CCDC57: variants seen among roughly 807,000 people sequenced by gnomAD.
CCDC57 encodes the protein coiled-coil domain-containing protein 57.
Under a neutral mutation model 118.9 loss-of-function variants are expected in CCDC57, and 118 were observed. The observed-to-expected ratio is 0.99, with a 90% CI of 0.86 to 1.16. The LOEUF is 1.16. Among genes scored for constraint, CCDC57 ranks in the 50% most tolerant of loss-of-function variants. The pLI is 0.00. For synonymous variants in CCDC57, 527 were observed against 532.9 expected, an observed-to-expected ratio of 0.99 and a Z score of 0.15; for missense variants, 1,300 against 1,320.7, an observed-to-expected ratio of 0.98 and a Z score of 0.24.
chr17:82,142,632 C>G (rs1455855157), intron 16 of CCDC57, among the ~76,000 whole-genome samples: 2 of 151,994 alleles, frequency 1.3e-5, no homozygotes, highest in Non-Finnish European at 2.9e-5. Context: ...ATTTATAAAA[C>G]ATGATGGTGA....
intron 19 of CCDC57, among the ~76,000 whole-genome samples, chr17:82,114,668 C>T (rs1458040059): frequency 3.3e-5 from 5 of 152,168 alleles, no homozygotes; most frequent in African/African-American, 9.6e-5. Flanking sequence ...TTCTCAGTGG[C>T]GAGGTGTGGG....
intron 19 of CCDC57, chr17:82,126,201 A>C (rs571998283): frequency 4.4e-4 from 93 of 210,212 alleles, no homozygotes; most frequent in African/African-American, 1.9e-3. Flanking sequence ...AATCATTTGA[A>C]CCCGGGAGGA....
chr17:82,204,544 G>A (rs1164879827), intron 2 of CCDC57, among the ~76,000 whole-genome samples: 1 of 152,196 alleles, frequency 6.6e-6, no homozygotes, highest in Non-Finnish European at 1.5e-5. Context: ...AGGACTTTGG[G>A]AGGCCGAGGC....
At chr17:82,157,853 C>T (rs373713185) in exon 15 of CCDC57, 1 of 1,593,430 alleles carries the variant, frequency 6.3e-7, no homozygotes, top group East Asian at 2.3e-5. Flanking sequence ...GCTCAGCCAC[C>T]TGCTTCCGCA....
Position 82,180,018 on chromosome 17 carries a change from C to T in CCDC57, c.1212-829G>A, listed in dbSNP as rs114606480. On this transcript the variant is annotated intron_variant, in intron 9 of 19. Coordinates refer to ENST00000665763, the Ensembl canonical transcript of CCDC57. Reference sequence around the variant, plus strand: ...GAGAGGTCCCTCCTGTCCCAGGCAGCGACACAGAGATGGTGGCATGGCTCT... The same window carrying T: ...GAGAGGTCCCTCCTGTCCCAGGCAGTGACACAGAGATGGTGGCATGGCTCT... Among the ~76,000 whole-genome samples, 520 of 152,272 alleles carry T rather than the reference C, an allele frequency of 3.4e-3. 4 individuals are homozygous for T. The highest frequency in any genetic ancestry group is 0.012 in the African/African-American group (491 of 41,542).
intron 19 of CCDC57, among the ~76,000 whole-genome samples, chr17:82,106,002 C>T (rs1462431403): frequency 1.3e-5 from 2 of 152,228 alleles, no homozygotes; most frequent in Non-Finnish European, 2.9e-5. Context: ...GCCTGGGCGC[C>T]GACCACAGGC....
intron 9 of CCDC57, among the ~76,000 whole-genome samples, chr17:82,181,041 G>A (rs374010513): frequency 6.6e-6 from 1 of 151,586 alleles, no homozygotes; most frequent in African/African-American, 2.4e-5. Context: ...GGCAAACCAC[G>A]CAGAGCACGG....
intron 19 of CCDC57, chr17:82,126,326 A>T: frequency 1.2e-6 from 1 of 829,112 alleles, no homozygotes; most frequent in South Asian, 5.5e-5. Context: ...CAAGGACATT[A>T]AATTACATAA....
At chr17:82,125,525 G>A (rs548637385) in intron 19 of CCDC57, among the ~76,000 whole-genome samples, 79 of 152,002 alleles carry the variant, frequency 5.2e-4, no homozygotes, top group African/African-American at 1.6e-3. Flanking sequence ...ACAGGCATGC[G>A]CCACCAGGCC....
chr17:82,163,437 G>C, intron 13 of CCDC57, 80 bp from the exon 13 acceptor site: 1 of 1,534,478 alleles, frequency 6.5e-7, no homozygotes, highest in Non-Finnish European at 8.9e-7. Flanking sequence ...ATCTCTATCA[G>C]CTCTCCCTTT....
Position 82,177,307 on chromosome 17 carries a change from C to T in CCDC57, c.1506+1167G>A, listed in dbSNP as rs528588097. ...AGGAGAATCACTTGAACCTGGGAGG[C>T]GGAGGGTGCGGTGAGCAGAGATCAC... On this transcript the variant is annotated intron_variant, in intron 11 of 19. Transcript: ENST00000665763. Among the ~76,000 whole-genome samples the T allele has an allele frequency of 2.5e-3, 381 of 151,452 alleles. 1 individual carries two copies. The highest frequency in any genetic ancestry group is 3.6e-3 in the Non-Finnish European group (246 of 67,874).
At chr17:82,178,852 G>C (rs1224448143) in intron 10 of CCDC57, among the ~76,000 whole-genome samples, 175 bp downstream of exon 9, 1 of 152,258 alleles carries the variant, frequency 6.6e-6, no homozygotes, top group Non-Finnish European at 1.5e-5. Context: ...AGAAAGTCAA[G>C]GCGGGTGGAC....
intron 1 of CCDC57, among the ~76,000 whole-genome samples, chr17:82,211,221 TC>T (rs2050163184): frequency 6.6e-6 from 1 of 152,074 alleles, no homozygotes; most frequent in Admixed American, 6.5e-5. Context: ...GGGCACAATT[TC>T]CCTGTTGAGG....
chr17:82,200,552 G>C (rs1459320831), intron 3 of CCDC57, among the ~76,000 whole-genome samples: 1 of 152,130 alleles, frequency 6.6e-6, no homozygotes, highest in Non-Finnish European at 1.5e-5. Flanking sequence ...AGGAAGCCAA[G>C]GCCAGTGGAT....
At chr17:82,193,582 A>C (rs1489123170) in intron 7 of CCDC57, among the ~76,000 whole-genome samples, 174 bp downstream of exon 6, 1 of 151,806 alleles carries the variant, frequency 6.6e-6, no homozygotes, top group African/African-American at 2.4e-5. Context: ...AAAGCAAGCA[A>C]GCAAGAAAGA....
At chr17:82,110,267 G>T (rs1408056272) in intron 19 of CCDC57, among the ~76,000 whole-genome samples, 1 of 152,046 alleles carries the variant, frequency 6.6e-6, no homozygotes, top group Non-Finnish European at 1.5e-5. Context: ...GGCGTGAGCT[G>T]CCATACCTGG....
chr17:82,179,544 A>G (rs941504905), intron 9 of CCDC57, among the ~76,000 whole-genome samples: 1 of 151,470 alleles, frequency 6.6e-6, no homozygotes, highest in African/African-American at 2.4e-5. Context: ...AAACAAGCAG[A>G]CCAGGGTGGA....
chr17:82,184,005 G>A, intron 8 of CCDC57, 73 bp from the exon 8 acceptor site: 2 of 975,380 alleles, frequency 2.1e-6, no homozygotes, highest in Non-Finnish European at 2.8e-6. Flanking sequence ...GCACCCCCCA[G>A]CAAATACACA....
intron 1 of CCDC57, among the ~76,000 whole-genome samples, chr17:82,210,609 G>A (rs1021053351): frequency 2.6e-5 from 4 of 151,538 alleles, no homozygotes; most frequent in African/African-American, 9.7e-5. Flanking sequence ...GAACCCGGGA[G>A]GCAGAGGTTG....
Sources: gnomAD v4.1 joint callset for allele counts (sites outside exome capture counted in the v4.1 genomes callset) on GRCh38, gnomAD v4.1.1 for gene constraint, MANE v1.5 for transcripts, NCBI Gene and HGNC (gene_info 2026-07-23, HGNC 2026-07-21) for gene names.